The following CAMK2G variants were observed in gnomAD, a reference collection of about 807,000 sequenced individuals.
CAMK2G encodes calcium/calmodulin dependent protein kinase II gamma, also known as calcium/calmodulin-dependent protein kinase type II subunit gamma.
In CAMK2G, 23 loss-of-function variants were observed where a neutral mutation model predicts 88.7. The observed-to-expected ratio is 0.26, with a 90% CI of 0.19 to 0.37. The LOEUF is 0.37. Ranked by LOEUF, CAMK2G falls within the 10% of genes least tolerant of loss-of-function variation. The probability of loss-of-function intolerance (pLI) is 1.00; values close to 1 mark genes in which losing one functional copy is unlikely to be tolerated. For missense variants in CAMK2G, 476 were observed against 780.8 expected (o/e 0.61, Z 4.65); for synonymous variants, 263 against 294.8 (o/e 0.89, Z 1.11).
intron 17 of CAMK2G, 111 bp from the exon 18 acceptor site, chr10:73,821,841 G>T (rs2088922526): frequency 2.3e-6 from 2 of 869,428 alleles, no homozygotes; most frequent in African/African-American, 1.7e-5. Flanking sequence ...AGGAGGAATT[G>T]TGGAAGGTTC....
chr10:73,859,516 C>G (rs2095267661), intron 3 of CAMK2G, among the ~76,000 whole-genome samples: 1 of 152,198 alleles, frequency 6.6e-6, no homozygotes, highest in African/African-American at 2.4e-5. Context: ...CCTCTCCTAC[C>G]AAAGGCAACA....
chr10:73,862,016 G>T (rs528265981), intron 2 of CAMK2G, among the ~76,000 whole-genome samples: 10 of 152,098 alleles, frequency 6.6e-5, no homozygotes, highest in Non-Finnish European at 1.2e-4. Flanking sequence ...TGTAAGCTTT[G>T]ACCTCTTCAA....
intron 5 of CAMK2G, 86 bp from the exon 6 acceptor site, chr10:73,849,419 T>C: frequency 2.2e-6 from 2 of 912,164 alleles, no homozygotes; most frequent in Non-Finnish European, 3.5e-6. Context: ...GACTAAGGCA[T>C]GTGACAAGGG....
intron 13 of CAMK2G, among the ~76,000 whole-genome samples, chr10:73,838,564 T>G (rs867885784): frequency 6.6e-6 from 1 of 152,230 alleles, no homozygotes; most frequent in South Asian, 2.1e-4. Context: ...GCTGCCACCC[T>G]CCTGCCCTTT....
At chr10:73,873,780 G>T (rs1435438396) in intron 1 of CAMK2G, among the ~76,000 whole-genome samples, 1 of 136,450 alleles carries the variant, frequency 7.3e-6, no homozygotes, top group Non-Finnish European at 1.6e-5. Context: ...GCGGGTGGGG[G>T]TGGGGGGCCG....
At chr10:73,829,686 T>TATATATA (rs1555014346) in intron 14 of CAMK2G, among the ~76,000 whole-genome samples, 1 of 150,242 alleles carries the variant, frequency 6.7e-6, no homozygotes, top group African/African-American at 2.5e-5. Flanking sequence ...TATATTCATA[T>TATATATA]ATATAAGTAG....
intron 15 of CAMK2G, among the ~76,000 whole-genome samples, chr10:73,826,432 C>CA (rs1215399987): frequency 6.6e-6 from 1 of 152,036 alleles, no homozygotes; most frequent in Non-Finnish European, 1.5e-5. Flanking sequence ...GACTCCATCT[C>CA]AAAAAACCAA....
intron 3 of CAMK2G, among the ~76,000 whole-genome samples, chr10:73,855,092 G>A (rs1045980365): frequency 2.6e-5 from 4 of 152,040 alleles, no homozygotes; most frequent in Admixed American, 6.6e-5. Context: ...CAGGAGGAAG[G>A]AGCCAGCGCC....
chr10:73,821,728 G>T lies in CAMK2G; in HGVS notation c.1203C>A (p.Gly401=). 1 of 1,610,654 alleles carries T rather than the reference G, an allele frequency of 6.2e-7. No individual in the cohort carries two copies. Among genetic ancestry groups the T allele is most frequent in the South Asian group, 1.1e-5 (1 of 90,432 alleles). The change falls in exon 18 of 23, where the codon GGC becomes GGA. Residue 401 remains glycine, a splice_region_variant and synonymous_variant. Coordinates refer to ENST00000423381, the MANE Select transcript of CAMK2G (RefSeq NM_001367534.1). ...VVHNATDGIK[G]STESCNTTTE... is the part of the protein sequence containing the mutation. ...TGGTGGTGTTGCAGCTCTCTGTGGA[G>T]CCCTGTAGGCCAAAAAGAACATGTT...
At position 73,849,199 on chromosome 10, in the gene CAMK2G, T is replaced by C. The variant is rs543739339; in HGVS notation, c.414+62A>G. ...AGTTTGGGCCTACGCAGTACCACTA[T>C]CTGGCACCAGGTGGCGCCAACACTT... On this transcript the variant is annotated intron_variant, in intron 6 of 22. Transcript: ENST00000423381. 277 of 1,553,424 alleles carry C rather than the reference T, an allele frequency of 1.8e-4. No homozygotes were observed. The African/African-American group carries it at 3.3e-3, about 19-fold the overall frequency.
chr10:73,839,785 T>A lies in CAMK2G; in HGVS notation c.947-184A>T, dbSNP rs762980887. Among the ~76,000 whole-genome samples the A allele has an allele frequency of 2.6e-5, 4 of 152,218 alleles. No homozygotes were observed. The highest frequency in any genetic ancestry group is 5.9e-5 in the Non-Finnish European group (4 of 67,966). Reference sequence around the variant, plus strand: ...CCAGCCCTGCAGCAGTCTGGGGGCCTGGGAAGACCGGGCTGGGCCAGGGCA... The same window carrying A: ...CCAGCCCTGCAGCAGTCTGGGGGCCAGGGAAGACCGGGCTGGGCCAGGGCA... On this transcript the variant is annotated intron_variant, in intron 12 of 22. Coordinates refer to ENST00000423381, the MANE Select transcript of CAMK2G (RefSeq NM_001367534.1). This position sits in a 1 kb window ranked among gnomAD's most constrained non-coding sequence, Gnocchi z 4.2.
chr10:73,836,590 G>A (rs916667288), intron 14 of CAMK2G, among the ~76,000 whole-genome samples: 1 of 152,148 alleles, frequency 6.6e-6, no homozygotes, highest in Admixed American at 6.5e-5. Context: ...AGAGGAGGGA[G>A]TGGGGAGGGA....
At chr10:73,829,729 GTGTGTA>G (rs2092069646) in intron 14 of CAMK2G, among the ~76,000 whole-genome samples, 1 of 151,420 alleles carries the variant, frequency 6.6e-6, no homozygotes, top group Non-Finnish European at 1.5e-5. Context: ...GTGTGTGTGT[GTGTGTA>G]TATCTCCTTA....
chr10:73,829,241 T>C (rs183056183), intron 14 of CAMK2G, among the ~76,000 whole-genome samples: 4 of 152,110 alleles, frequency 2.6e-5, no homozygotes, highest in Admixed American at 2.6e-4. Context: ...AACCTAAATA[T>C]AGTTAGGCCT....
intron 21 of CAMK2G, chr10:73,816,201 T>TGA (rs2085419889): frequency 2.0e-6 from 2 of 985,500 alleles, no homozygotes; most frequent in South Asian, 9.4e-5. Flanking sequence ...CCCCTTATTT[T>TGA]CCATGAACTG....
In CAMK2G at chr10:73,813,669, G is replaced by C. The variant is rs1046657572; in HGVS notation, c.*849C>G. 1 of 152,984 alleles carries C rather than the reference G, an allele frequency of 6.5e-6. No homozygotes were observed. The highest frequency in any genetic ancestry group is 2.4e-5 in the African/African-American group (1 of 41,458). 9.5% of individuals were successfully genotyped at this position (152,984 alleles called of 1,614,324 possible). A position where few individuals can be genotyped will look rare whatever the true frequency, so the allele number is the denominator to read the frequency against. On this transcript the variant is annotated 3_prime_UTR_variant, in exon 23 of 23. Transcript: ENST00000423381. ...TCCTTGCCAGGTTAGAAGAAAACAC[G>C]AAGCAAAGCAGCAACAACCCCTCCC...
intron 18 of CAMK2G, among the ~76,000 whole-genome samples, chr10:73,820,480 ATATATATATATAT>A (rs2087721090): frequency 3.1e-5 from 1 of 32,248 alleles, no homozygotes; most frequent in Middle Eastern, 0.012. Flanking sequence ...ATATATATAT[ATATATATATATAT>A]TTTTTTTTTT....
At chr10:73,857,441 A>G (rs1172414418) in intron 3 of CAMK2G, among the ~76,000 whole-genome samples, 1 of 152,214 alleles carries the variant, frequency 6.6e-6, no homozygotes, top group East Asian at 1.9e-4. Flanking sequence ...CCAAATCTGG[A>G]TGCGACTCCG....
intron 13 of CAMK2G, among the ~76,000 whole-genome samples, chr10:73,837,760 G>A (rs1202745144): frequency 6.6e-6 from 1 of 152,178 alleles, no homozygotes; most frequent in African/African-American, 2.4e-5. Context: ...ACACTTAGAG[G>A]AGAAACCATG....
Sources: allele counts gnomAD v4.1 joint callset (sites outside exome capture counted in the v4.1 genomes callset), GRCh38; gene constraint gnomAD v4.1.1; non-coding constraint Gnocchi (gnomAD v3.1); transcripts MANE v1.5; gene names NCBI Gene and HGNC (gene_info 2026-07-23, HGNC 2026-07-21).